TMEFF2: variants seen among roughly 807,000 people sequenced by gnomAD.
TMEFF2 encodes the protein transmembrane protein with EGF like and two follistatin like domains 2.
TMEFF2 carries 28 observed loss-of-function variants against 53.8 expected under a neutral mutation model. The ratio of observed to expected loss-of-function variants is 0.52; its 90% confidence interval spans 0.39 to 0.71. The LOEUF (loss-of-function observed/expected upper bound fraction) is 0.71, where lower values mean the gene tolerates loss of function less well. Ranked by LOEUF, TMEFF2 falls within the 30% of genes least tolerant of loss-of-function variation. The pLI is 0.00. For synonymous variants in TMEFF2, 162 were observed against 166.3 expected (o/e 0.97, Z 0.20); for missense variants, 353 against 455.2 (o/e 0.78, Z 2.04).
At chr2:192,072,555 T>A (rs188774135) in intron 4 of TMEFF2, among the ~76,000 whole-genome samples, 1 of 138,776 alleles carries the variant, frequency 7.2e-6, no homozygotes, top group Admixed American at 7.6e-5. Flanking sequence ...GATTTCTTCA[T>A]GCATATTCGT....
intron 5 of TMEFF2, among the ~76,000 whole-genome samples, chr2:192,038,766 C>T (rs536984254): frequency 6.6e-6 from 1 of 152,050 alleles, no homozygotes; most frequent in African/African-American, 2.4e-5. Flanking sequence ...ATTACAGACT[C>T]GTGAGACACC....
chr2:192,062,490 T>G (rs1688067835), intron 4 of TMEFF2, among the ~76,000 whole-genome samples: 1 of 152,150 alleles, frequency 6.6e-6, no homozygotes, highest in South Asian at 2.1e-4. Context: ...TGTAAAAGAC[T>G]TTGTGTACAC....
At chr2:192,130,683 T>C (rs1689798561) in intron 4 of TMEFF2, among the ~76,000 whole-genome samples, 2 of 151,822 alleles carry the variant, frequency 1.3e-5, no homozygotes. Context: ...TCCCAAATCC[T>C]ATGAAACGGC....
chr2:192,034,972 T>A (rs1687249391), intron 5 of TMEFF2: 2 of 152,344 alleles, frequency 1.3e-5, no homozygotes, highest in East Asian at 3.9e-4. Flanking sequence ...TTGGTCAGTA[T>A]CATTTGCCAA....
Position 191,953,814 on chromosome 2 carries a change from TGTCCA to T in TMEFF2, c.888_892del (p.Gly297ThrfsTer3), listed in dbSNP as rs1478861138. 2 of 1,613,136 alleles carry T rather than the reference TGTCCA, an allele frequency of 1.2e-6. No homozygotes were observed. Among genetic ancestry groups the T allele is most frequent in the Non-Finnish European group, 1.7e-6 (2 of 1,179,524 alleles). Reference sequence around the variant, plus strand: ...ACTGTAGTCCTTTTTTTCACAGTGTTGTCCAGTATAACCAGCATCACACCTGGAAG... The same window carrying T: ...ACTGTAGTCCTTTTTTTCACAGTGTTGTATAACCAGCATCACACCTGGAAG... On this transcript the variant is annotated frameshift_variant, in exon 9 of 10. Transcript: ENST00000272771. LOFTEE classifies it high-confidence loss of function.
rs182265781 is a variant in TMEFF2, at chr2:192,058,204, G to A, written c.440-429C>T. Among the ~76,000 whole-genome samples, 2 of 152,214 alleles carry A rather than the reference G, an allele frequency of 1.3e-5. 1 individual carries two copies. Among genetic ancestry groups the A allele is most frequent in the East Asian group, 3.9e-4 (2 of 5,184 alleles). ...TTTTTCGTTCAAAGAAAGTTTTCAT[G>A]TATAATTTTTAAAAATTTAGATGAG... On this transcript the variant is annotated intron_variant, in intron 4 of 9. Coordinates refer to ENST00000272771, the MANE Select transcript of TMEFF2 (RefSeq NM_016192.4).
At chr2:192,083,339 T>TA (rs1394970849) in intron 4 of TMEFF2, among the ~76,000 whole-genome samples, 1 of 152,128 alleles carries the variant, frequency 6.6e-6, no homozygotes, top group African/African-American at 2.4e-5. Context: ...AAACTCAGTG[T>TA]ATCAAGGAAC....
At chr2:192,176,756 G>A (rs1291959034) in intron 4 of TMEFF2, 1 of 151,120 alleles carries the variant, frequency 6.6e-6, no homozygotes, top group South Asian at 2.1e-4. Flanking sequence ...TTGTGCAAAT[G>A]GGTTAAGCTT....
intron 4 of TMEFF2, among the ~76,000 whole-genome samples, chr2:192,142,671 G>GC (rs1690166134): frequency 1.3e-5 from 2 of 152,146 alleles, no homozygotes; most frequent in South Asian, 4.1e-4. Context: ...TGCAGGTACT[G>GC]ATAGGAAGGT....
chr2:191,989,247 T>C (rs1298491916), intron 7 of TMEFF2, among the ~76,000 whole-genome samples: 1 of 152,162 alleles, frequency 6.6e-6, no homozygotes, highest in African/African-American at 2.4e-5. Context: ...AATTTTATCC[T>C]GATTAAATTT....
At chr2:192,120,951 G>C (rs527847098) in intron 4 of TMEFF2, among the ~76,000 whole-genome samples, 2 of 151,884 alleles carry the variant, frequency 1.3e-5, no homozygotes, top group Non-Finnish European at 2.9e-5. Context: ...GGCCAGGCTG[G>C]TCTGGAACTT....
chr2:192,158,600 C>A (rs183612450), intron 4 of TMEFF2, among the ~76,000 whole-genome samples: 21 of 152,092 alleles, frequency 1.4e-4, no homozygotes, highest in Admixed American at 1.3e-3. Flanking sequence ...TAGCATTTCC[C>A]CTATGTTTTT....
chr2:192,095,884 C>A (rs1040732858), intron 4 of TMEFF2, among the ~76,000 whole-genome samples: 2 of 152,020 alleles, frequency 1.3e-5, no homozygotes, highest in African/African-American at 4.8e-5. Flanking sequence ...AGAGAAGTAT[C>A]CTTCCTAGTT....
chr2:192,037,015 G>A (rs1264602664), intron 5 of TMEFF2: 1 of 152,022 alleles, frequency 6.6e-6, no homozygotes, highest in African/African-American at 2.4e-5. Flanking sequence ...CAGGATGTAA[G>A]CTGTTTAAAG....
chr2:192,138,228 CA>C (rs1335839215), intron 4 of TMEFF2, among the ~76,000 whole-genome samples: 2 of 152,170 alleles, frequency 1.3e-5, no homozygotes, highest in Non-Finnish European at 2.9e-5. Flanking sequence ...AGACTCTGTT[CA>C]AAAGAAGCAT....
intron 4 of TMEFF2, among the ~76,000 whole-genome samples, chr2:192,137,907 A>T (rs1690049218): frequency 6.6e-6 from 1 of 151,830 alleles, no homozygotes; most frequent in African/African-American, 2.4e-5. Context: ...AGTTCAAGTT[A>T]TTCTCCTGCC....
chr2:192,047,771 T>C (rs4330061), intron 5 of TMEFF2, among the ~76,000 whole-genome samples: 18,992 of 152,228 alleles, frequency 0.12, 1,334 homozygotes, highest in East Asian at 0.31. Context: ...TGTTCAATCA[T>C]TTATTAGATA....
Position 192,179,631 on chromosome 2 carries a change from C to A in TMEFF2, c.439+37G>T. On this transcript the variant is annotated intron_variant, in intron 4 of 9. Coordinates refer to ENST00000272771, the MANE Select transcript of TMEFF2 (RefSeq NM_016192.4). ...AGTAAATATACATAATAATATCCACCAGTAAATCTTCAAATATGTAAAAAG... is the reference window on the plus strand; with the variant it reads ...AGTAAATATACATAATAATATCCACAAGTAAATCTTCAAATATGTAAAAAG... 1.9e-6 allele frequency: 3 copies of A among 1,543,530 alleles called. No individual in the cohort carries two copies. In the South Asian group the frequency reaches 3.8e-5, roughly 20 times the overall value.
At chr2:192,159,211 T>C (rs933649382) in intron 4 of TMEFF2, among the ~76,000 whole-genome samples, 4 of 152,126 alleles carry the variant, frequency 2.6e-5, no homozygotes, top group Admixed American at 2.0e-4. Flanking sequence ...CCGTTATTTG[T>C]AGTTAAGGGA....
Sources: allele counts gnomAD v4.1 joint callset (sites outside exome capture counted in the v4.1 genomes callset), GRCh38; gene constraint gnomAD v4.1.1; transcripts MANE v1.5; gene names NCBI Gene and HGNC (gene_info 2026-07-23, HGNC 2026-07-21).